The following UST variants were observed in gnomAD, a reference collection of about 807,000 sequenced individuals.
The protein encoded by UST is uronyl 2-sulfotransferase, also known as chondroitin sulfate 2-O-sulfotransferase.
A neutral mutation model predicts 45.6 loss-of-function variants in UST; 21 were observed. The ratio of observed to expected loss-of-function variants is 0.46; its 90% CI spans 0.33 to 0.66. The LOEUF (loss-of-function observed/expected upper bound fraction) is 0.66, where lower values mean the gene tolerates loss of function less well. Ranked by LOEUF, UST falls within the 30% of genes least tolerant of loss-of-function variation. The probability of loss-of-function intolerance (pLI) is 0.02; values close to 1 mark genes in which losing one functional copy is unlikely to be tolerated. For synonymous variants in UST, 215 were observed against 200.6 expected (o/e 1.07, Z -0.61); for missense variants, 463 against 512.4 (o/e 0.90, Z 0.93).
chr6:148,912,491 C>G (rs959914142), intron 2 of UST, among the ~76,000 whole-genome samples: 4 of 152,244 alleles, frequency 2.6e-5, no homozygotes, highest in African/African-American at 9.6e-5. Flanking sequence ...TAATCAATAA[C>G]TCTAGCCATG....
At chr6:148,894,215 T>A (rs1453521310) in intron 2 of UST, among the ~76,000 whole-genome samples, 1 of 152,196 alleles carries the variant, frequency 6.6e-6, no homozygotes, top group Admixed American at 6.5e-5. Context: ...CAGTCACAAA[T>A]CCAGTTTTGA....
chr6:148,754,212 G>T (rs948326652), intron 1 of UST, among the ~76,000 whole-genome samples: 1 of 152,042 alleles, frequency 6.6e-6, no homozygotes, highest in Non-Finnish European at 1.5e-5. Flanking sequence ...TAGCCAGGAT[G>T]GTCTCGATCT....
intron 2 of UST, among the ~76,000 whole-genome samples, chr6:148,940,712 T>C (rs1780109394): frequency 6.6e-6 from 1 of 152,188 alleles, no homozygotes; most frequent in African/African-American, 2.4e-5. Context: ...ATTATACCCA[T>C]CCTCATGGCT....
At chr6:148,911,382 G>A (rs1434830751) in intron 2 of UST, among the ~76,000 whole-genome samples, 1 of 152,178 alleles carries the variant, frequency 6.6e-6, no homozygotes, top group East Asian at 1.9e-4. Context: ...CTTGGCCCAA[G>A]GGAGAGAACC....
chr6:148,894,407 A>G (rs1178476000), intron 2 of UST, among the ~76,000 whole-genome samples: 1 of 152,220 alleles, frequency 6.6e-6, no homozygotes, highest in African/African-American at 2.4e-5. Context: ...ATTTGGACAC[A>G]GAGATAGAGA....
intron 1 of UST, among the ~76,000 whole-genome samples, chr6:148,757,133 G>T (rs1478413249): frequency 6.6e-6 from 1 of 152,178 alleles, no homozygotes; most frequent in East Asian, 1.9e-4. Context: ...GAGAAGCTGG[G>T]ACTACAGGCA....
At chr6:149,022,682 C>T (rs1043188312) in intron 7 of UST, among the ~76,000 whole-genome samples, 2 of 152,186 alleles carry the variant, frequency 1.3e-5, no homozygotes, top group African/African-American at 4.8e-5. Context: ...CCACAGGGTT[C>T]CCGAACCCCA....
rs1582910733 is a variant in UST, at chr6:148,940,550, T to C, written c.292-729T>C. Reference sequence around the variant, plus strand: ...AAGTGTTGGCAAGGATGTGCAGAAATTGGAACCCTCATATGTTGTTGGTAG... The same window carrying C: ...AAGTGTTGGCAAGGATGTGCAGAAACTGGAACCCTCATATGTTGTTGGTAG... On this transcript the variant is annotated intron_variant, in intron 2 of 7. Coordinates refer to ENST00000367463, the MANE Select transcript of UST (RefSeq NM_005715.3). Among the ~76,000 whole-genome samples, 3 of 152,220 alleles carry C rather than the reference T, an allele frequency of 2.0e-5. No homozygotes were observed. The Middle Eastern group carries it at 0.01, about 518-fold the overall frequency.
At chr6:148,890,253 A>C (rs1241672313) in intron 2 of UST, among the ~76,000 whole-genome samples, 1 of 152,188 alleles carries the variant, frequency 6.6e-6, no homozygotes, top group Admixed American at 6.5e-5. Context: ...GAATCTCAGA[A>C]GTGATGAGGT....
intron 7 of UST, among the ~76,000 whole-genome samples, chr6:149,046,519 T>C (rs1776397779): frequency 6.6e-6 from 1 of 152,224 alleles, no homozygotes; most frequent in Non-Finnish European, 1.5e-5. Context: ...TCAATCATGG[T>C]CTTTGCAGTC....
intron 1 of UST, among the ~76,000 whole-genome samples, chr6:148,854,344 T>C (rs887696290): frequency 2.6e-5 from 4 of 152,242 alleles, no homozygotes; most frequent in Non-Finnish European, 5.9e-5. Flanking sequence ...ACTTGCCCAA[T>C]CTATTTCAAG....
chr6:148,805,473 A>G (rs1777130324), intron 1 of UST, among the ~76,000 whole-genome samples: 1 of 152,226 alleles, frequency 6.6e-6, no homozygotes, highest in South Asian at 2.1e-4. Context: ...AAAGGTATGT[A>G]GAAAAGGCAT....
intron 1 of UST, among the ~76,000 whole-genome samples, chr6:148,815,822 G>C (rs1777343635): frequency 6.6e-6 from 1 of 152,134 alleles, no homozygotes; most frequent in African/African-American, 2.4e-5. Context: ...TTGATTATAT[G>C]AACTGAAATT....
intron 7 of UST, among the ~76,000 whole-genome samples, chr6:149,042,018 G>A (rs1013266150): frequency 3.3e-5 from 5 of 152,230 alleles, no homozygotes; most frequent in South Asian, 2.1e-4. Flanking sequence ...TACTTTCCAC[G>A]TAGTGGGTGT....
At chr6:148,971,953 A>T (rs1009866764) in intron 5 of UST, among the ~76,000 whole-genome samples, 3 of 152,216 alleles carry the variant, frequency 2.0e-5, no homozygotes, top group Non-Finnish European at 4.4e-5. Flanking sequence ...CAAGTGCAAG[A>T]TAAACCAAGG....
At chr6:148,913,274 C>T (rs144579018) in intron 2 of UST, among the ~76,000 whole-genome samples, 12 of 152,272 alleles carry the variant, frequency 7.9e-5, no homozygotes, top group Middle Eastern at 3.4e-3. Context: ...TTCTGATGTT[C>T]TGACTGTGCA....
chr6:148,841,044 G>GAAAAAA (rs11407927), intron 1 of UST, among the ~76,000 whole-genome samples: 2 of 138,610 alleles, frequency 1.4e-5, no homozygotes, highest in Non-Finnish European at 1.6e-5. Flanking sequence ...ATTTTGAAAT[G>GAAAAAA]AAAAAAAAAA....
intron 5 of UST, among the ~76,000 whole-genome samples, chr6:149,014,872 C>T (rs532425680): frequency 5.3e-5 from 8 of 152,290 alleles, no homozygotes; most frequent in African/African-American, 1.9e-4. Flanking sequence ...GTATCAGGTG[C>T]CCCATTGTTA....
chr6:148,964,690 G>C (rs755381625), intron 5 of UST, 127 bp downstream of exon 5: 7 of 1,247,642 alleles, frequency 5.6e-6, no homozygotes, highest in Non-Finnish European at 7.7e-6. Context: ...GGCGCAGAGA[G>C]GGTGCTTCCG....
Sources: allele counts gnomAD v4.1 joint callset (sites outside exome capture counted in the v4.1 genomes callset), GRCh38; gene constraint gnomAD v4.1.1; transcripts MANE v1.5; gene names NCBI Gene and HGNC (gene_info 2026-07-23, HGNC 2026-07-21).